The following CADM1 variants were observed in gnomAD, a reference collection of about 807,000 sequenced individuals.
CADM1 encodes cell adhesion molecule 1.
In CADM1, 15 loss-of-function variants were observed where a neutral mutation model predicts 53.1. The ratio of observed to expected loss-of-function variants is 0.28; its 90% CI spans 0.19 to 0.44. The LOEUF is 0.44. Ranked by LOEUF, CADM1 falls within the 20% of genes least tolerant of loss-of-function variation. The pLI, the probability that CADM1 is intolerant of heterozygous loss-of-function variation, is 1.00. For synonymous variants in CADM1, 281 were observed against 243.0 expected (o/e 1.16, Z -1.45); for missense variants, 434 against 611.3 (o/e 0.71, Z 3.06).
chr11:115,329,792 C>T (rs1344926972), intron 1 of CADM1, among the ~76,000 whole-genome samples: 2 of 151,906 alleles, frequency 1.3e-5, no homozygotes, highest in Non-Finnish European at 2.9e-5. Flanking sequence ...ATGGAGATGG[C>T]TCTCAGCAGG....
intron 1 of CADM1, among the ~76,000 whole-genome samples, chr11:115,422,016 T>G (rs1406918952): frequency 6.6e-6 from 1 of 152,226 alleles, no homozygotes; most frequent in Non-Finnish European, 1.5e-5. Flanking sequence ...AATCTAGCAA[T>G]TAACTTTAAA....
chr11:115,260,735 C>T (rs1379197455), intron 1 of CADM1, among the ~76,000 whole-genome samples: 3 of 152,002 alleles, frequency 2.0e-5, no homozygotes, highest in Admixed American at 1.3e-4. Flanking sequence ...TGCAGTGGCA[C>T]GATCTTGGCT....
At chr11:115,342,411 T>C (rs958039666) in intron 1 of CADM1, among the ~76,000 whole-genome samples, 1 of 152,072 alleles carries the variant, frequency 6.6e-6, no homozygotes, top group Non-Finnish European at 1.5e-5. Context: ...CTGAAGGAGA[T>C]GGAAGGAAGA....
At chr11:115,295,591 T>C (rs1437045552) in intron 1 of CADM1, among the ~76,000 whole-genome samples, 1 of 146,100 alleles carries the variant, frequency 6.8e-6, no homozygotes, top group Non-Finnish European at 1.5e-5. Flanking sequence ...CACACATATA[T>C]AAATTCTGCA....
chr11:115,186,870 G>T (rs1384754484), intron 10 of CADM1, among the ~76,000 whole-genome samples: 1 of 152,150 alleles, frequency 6.6e-6, no homozygotes, highest in Non-Finnish European at 1.5e-5. Flanking sequence ...TTTTGGGTCT[G>T]TCTCCCTCAG....
rs552309443 is a variant in CADM1, at chr11:115,369,026, T to TAAAAAA, written c.125-128612_125-128607dup. The stretch of plus-strand genomic sequence containing the variant: ...GTGCCTAGCAGAGTGAAAAAAAATC[T>TAAAAAA]AAAAAAAAAAAAAAAAAAAAAAAAA... On this transcript the variant is annotated intron_variant, in intron 1 of 11. Coordinates refer to ENST00000331581, the MANE Select transcript of CADM1 (RefSeq NM_001301043.2). Among the ~76,000 whole-genome samples the TAAAAAA allele has an allele frequency of 6.9e-4, 31 of 44,742 alleles. 2 individuals carry two copies. Among genetic ancestry groups the TAAAAAA allele is most frequent in the African/African-American group, 1.7e-3 (20 of 11,974 alleles). 29.4% of individuals were successfully genotyped at this position (44,742 alleles called of 152,430 possible).
At chr11:115,445,751 G>A (rs1266735239) in intron 1 of CADM1, 2 of 453,378 alleles carry the variant, frequency 4.4e-6, no homozygotes, top group South Asian at 1.6e-5. Flanking sequence ...GGCTGAGGTA[G>A]AAGAATCACC....
chr11:115,183,327 T>C (rs1939399050), intron 10 of CADM1, among the ~76,000 whole-genome samples: 1 of 152,252 alleles, frequency 6.6e-6, no homozygotes, highest in African/African-American at 2.4e-5. Context: ...CTGGTTTCTA[T>C]GGCTACTTTA....
At chr11:115,230,900 T>A (rs1055730843) in intron 4 of CADM1, among the ~76,000 whole-genome samples, 4 of 152,204 alleles carry the variant, frequency 2.6e-5, no homozygotes, top group Non-Finnish European at 5.9e-5. Context: ...CAGAATGACT[T>A]GGAATTTACC....
Position 115,176,100 on chromosome 11 carries a change from G to A in CADM1, c.*374C>T, listed in dbSNP as rs1565277800. 3.0e-5 allele frequency: 32 copies of A among 1,062,770 alleles called. No individual in the cohort carries two copies. The highest frequency in any genetic ancestry group is 1.2e-4 in the South Asian group (4 of 33,726). 65.8% of individuals were successfully genotyped at this position (1,062,770 alleles called of 1,614,324 possible). On this transcript the variant is annotated 3_prime_UTR_variant, in exon 12 of 12. Transcript: ENST00000331581. ...AAATGGGAGATTTTGGAAAAAATCCGAAATTGGGGTAGAGGGAGGAAATAA... is the reference window on the plus strand; with the variant it reads ...AAATGGGAGATTTTGGAAAAAATCCAAAATTGGGGTAGAGGGAGGAAATAA...
intron 1 of CADM1, among the ~76,000 whole-genome samples, chr11:115,484,355 C>T (rs1949323122): frequency 1.3e-5 from 2 of 152,164 alleles, no homozygotes; most frequent in South Asian, 4.1e-4. Flanking sequence ...GCTCCCTGTG[C>T]TACACTAGGA....
chr11:115,480,580 T>C (rs568232983), intron 1 of CADM1, among the ~76,000 whole-genome samples: 12 of 152,184 alleles, frequency 7.9e-5, no homozygotes, highest in Non-Finnish European at 1.6e-4. Context: ...GACTGGTCTC[T>C]GGGAAGAGTG....
intron 1 of CADM1, among the ~76,000 whole-genome samples, chr11:115,391,431 C>T (rs1043686859): frequency 6.6e-6 from 1 of 152,032 alleles, no homozygotes; most frequent in Non-Finnish European, 1.5e-5. Context: ...GAGCACAGCT[C>T]CAAAAACGAA....
chr11:115,263,875 T>C (rs1453601733), intron 1 of CADM1, among the ~76,000 whole-genome samples: 3 of 152,210 alleles, frequency 2.0e-5, no homozygotes, highest in Non-Finnish European at 4.4e-5. Context: ...TAGTAGTACG[T>C]TGTTTCAAAA....
At chr11:115,303,195 G>C (rs966937929) in intron 1 of CADM1, among the ~76,000 whole-genome samples, 1 of 151,988 alleles carries the variant, frequency 6.6e-6, no homozygotes, top group Non-Finnish European at 1.5e-5. Context: ...TAGTGTAAAC[G>C]TTCAGCATAT....
intron 1 of CADM1, among the ~76,000 whole-genome samples, chr11:115,490,096 G>C (rs368180931): frequency 6.6e-6 from 1 of 152,216 alleles, no homozygotes; most frequent in East Asian, 1.9e-4. Flanking sequence ...GAGCAAGAAA[G>C]TGACATCTAA....
chr11:115,191,950 C>T (rs1939895073), intron 9 of CADM1, among the ~76,000 whole-genome samples: 1 of 152,148 alleles, frequency 6.6e-6, no homozygotes. Context: ...TTTGGAGAAG[C>T]AAGTTGTGTT....
chr11:115,176,725 GA>G, intron 11 of CADM1, 133 bp from the exon 12 acceptor site: 1 of 795,922 alleles, frequency 1.3e-6, no homozygotes, highest in Non-Finnish European at 2.2e-6. Context: ...AAAACAATTG[GA>G]AGAAGAGAGC....
chr11:115,427,996 A>G (rs1198636606), intron 1 of CADM1, among the ~76,000 whole-genome samples: 1 of 130,610 alleles, frequency 7.7e-6, no homozygotes, highest in Non-Finnish European at 1.6e-5. Flanking sequence ...ACAGAGCAAG[A>G]CTCCATCTCA....
Sources: gnomAD v4.1 joint callset for allele counts (sites outside exome capture counted in the v4.1 genomes callset) on GRCh38, gnomAD v4.1.1 for gene constraint, MANE v1.5 for transcripts, NCBI Gene and HGNC (gene_info 2026-07-23, HGNC 2026-07-21) for gene names.